Variants in ACSM1 observed in about 807,000 individuals in gnomAD.
ACSM1 encodes acyl-coenzyme A synthetase ACSM1, mitochondrial.
In ACSM1, 79 loss-of-function variants were observed where a neutral mutation model predicts 75.8. The observed-to-expected ratio is 1.04, with a 90% CI of 0.87 to 1.26. The LOEUF (loss-of-function observed/expected upper bound fraction) is 1.26. ACSM1 is among the 50% of genes most tolerant of loss of function. The pLI is 0.00. For missense variants in ACSM1, 676 were observed against 720.1 expected (o/e 0.94, Z 0.70); for synonymous variants, 279 against 265.8 (o/e 1.05, Z -0.48).
intron 7 of ACSM1, among the ~76,000 whole-genome samples, chr16:20,653,692 T>G (rs1204380005): frequency 2.0e-5 from 3 of 152,112 alleles, no homozygotes; most frequent in Non-Finnish European, 4.4e-5. Flanking sequence ...GAATCCAACT[T>G]ACAAGGGATG....
chr16:20,695,622 A>C (rs547063687), intron 1 of ACSM1, among the ~76,000 whole-genome samples: 6 of 151,930 alleles, frequency 3.9e-5, no homozygotes, highest in African/African-American at 1.2e-4. Flanking sequence ...TCTATTACCT[A>C]TCTATTATGT....
At chr16:20,671,269 T>A (rs538503104) in intron 5 of ACSM1, among the ~76,000 whole-genome samples, 3 of 152,164 alleles carry the variant, frequency 2.0e-5, no homozygotes, top group African/African-American at 7.2e-5. Context: ...ACATCTCCTA[T>A]GAAGATGCTC....
intron 1 of ACSM1, among the ~76,000 whole-genome samples, chr16:20,695,270 C>T (rs1179130971): frequency 1.3e-5 from 2 of 152,136 alleles, no homozygotes; most frequent in East Asian, 1.9e-4. Context: ...TTTATTTAAC[C>T]TCCCTATAAA....
chr16:20,654,595 T>C (rs1241719304), intron 7 of ACSM1, among the ~76,000 whole-genome samples: 1 of 152,132 alleles, frequency 6.6e-6, no homozygotes, highest in Admixed American at 6.5e-5. Context: ...GCGAAGGATA[T>C]GAACAGACAT....
intron 7 of ACSM1, among the ~76,000 whole-genome samples, chr16:20,656,529 T>C (rs1423635109): frequency 1.3e-5 from 2 of 152,218 alleles, no homozygotes; most frequent in Non-Finnish European, 2.9e-5. Context: ...TTGTTAACAT[T>C]TTATAAACAC....
chr16:20,642,489 A>C (rs930269328), intron 7 of ACSM1, among the ~76,000 whole-genome samples: 1 of 152,230 alleles, frequency 6.6e-6, no homozygotes. Context: ...TCTATTCAGA[A>C]GGCTAGAGCC....
In ACSM1 at chr16:20,656,307, T is replaced by C. The variant is rs55690469; in HGVS notation, c.992+5487A>G. Reference sequence around the variant, plus strand: ...TAAAAAATGTTAAGTGCCTGTCAGATTGGCAAAAACTAGCTCAGATGCCCT... The same window carrying C: ...TAAAAAATGTTAAGTGCCTGTCAGACTGGCAAAAACTAGCTCAGATGCCCT... On this transcript the variant is annotated intron_variant, in intron 7 of 13. Transcript: ENST00000520010. Among the ~76,000 whole-genome samples the C allele has an allele frequency of 8.0e-3, 1,218 of 152,288 alleles. 7 individuals are homozygous for C. The highest frequency in any genetic ancestry group is 0.018 in the African/African-American group (732 of 41,550).
chr16:20,686,775 G>C (rs1023781002), intron 2 of ACSM1, among the ~76,000 whole-genome samples: 1 of 151,270 alleles, frequency 6.6e-6, no homozygotes, highest in African/African-American at 2.4e-5. Context: ...CTGCATTCCA[G>C]CCTGGGAGAC....
intron 4 of ACSM1, among the ~76,000 whole-genome samples, chr16:20,678,283 C>T (rs1165143852): frequency 6.6e-6 from 1 of 151,980 alleles, no homozygotes; most frequent in Non-Finnish European, 1.5e-5. Context: ...AAGGAACTGA[C>T]CTGAAAAAAA....
rs531622421 is a variant in ACSM1 at position 20,647,586 on chromosome 16, A to G, written c.993-7002T>C. 6.6e-5 allele frequency among the ~76,000 whole-genome samples: 10 copies of G among 152,340 alleles called. No individual in the cohort carries two copies. The East Asian group carries it at 1.9e-3, about 29-fold the overall frequency. ...TTTGAATAAGGGCTAAGAAAAATGAAGCTGGATGACCAACTGGCAATTCAA... is the reference window on the plus strand; with the variant it reads ...TTTGAATAAGGGCTAAGAAAAATGAGGCTGGATGACCAACTGGCAATTCAA... On this transcript the variant is annotated intron_variant, in intron 7 of 13. Transcript: ENST00000520010.
chr16:20,663,586 T>G (rs116065457), intron 6 of ACSM1, among the ~76,000 whole-genome samples: 2,152 of 152,280 alleles, frequency 0.014, 54 homozygotes, highest in African/African-American at 0.05. Flanking sequence ...ACTGGTTATC[T>G]GGGAAGGGGG....
intron 10 of ACSM1, among the ~76,000 whole-genome samples, chr16:20,634,360 T>G (rs1003599193): frequency 6.6e-6 from 1 of 152,152 alleles, no homozygotes; most frequent in Non-Finnish European, 1.5e-5. Flanking sequence ...TCCCAAGAAA[T>G]GGAAGCAGGA....
At chr16:20,630,332 C>T (rs1484789177) in intron 10 of ACSM1, among the ~76,000 whole-genome samples, 1 of 152,128 alleles carries the variant, frequency 6.6e-6, no homozygotes, top group East Asian at 1.9e-4. Context: ...AGTGATCCAC[C>T]TGCCTCGGCC....
intron 1 of ACSM1, among the ~76,000 whole-genome samples, chr16:20,692,557 T>C (rs1030450774): frequency 8.5e-5 from 13 of 152,160 alleles, no homozygotes. Flanking sequence ...TTGTAAAATA[T>C]GTCTTAGACC....
chr16:20,623,253 T>C lies in ACSM1; in HGVS notation c.*233A>G, dbSNP rs563821095. 6 of 490,970 alleles carry C rather than the reference T, an allele frequency of 1.2e-5. No individual in the cohort carries two copies. The South Asian group carries it at 1.4e-4, about 11-fold the overall frequency. 30.4% of individuals were successfully genotyped at this position (490,970 alleles called of 1,614,324 possible). On this transcript the variant is annotated 3_prime_UTR_variant, in exon 14 of 14. Coordinates refer to ENST00000520010, the MANE Select transcript of ACSM1 (RefSeq NM_001318890.3). ...CAGGGTATTGTTGATATCAGTATTT[T>C]ATTACTTGCGTTATGAGTGCTCACC... is the stretch of plus-strand genomic sequence containing the variant.
chr16:20,636,556 A>G (rs115792398), intron 10 of ACSM1, among the ~76,000 whole-genome samples, 183 bp downstream of exon 10: 2,153 of 152,240 alleles, frequency 0.014, 54 homozygotes, highest in African/African-American at 0.05. Flanking sequence ...CAACATCCCA[A>G]AAGTTCCAGG....
chr16:20,662,561 A>G (rs1195970909), intron 6 of ACSM1, among the ~76,000 whole-genome samples: 1 of 152,208 alleles, frequency 6.6e-6, no homozygotes, highest in African/African-American at 2.4e-5. Flanking sequence ...AACAGTAAAG[A>G]GAAGAGAAAG....
chr16:20,687,221 C>T (rs2079570086), intron 2 of ACSM1, among the ~76,000 whole-genome samples: 1 of 151,986 alleles, frequency 6.6e-6, no homozygotes. Flanking sequence ...TCTCTGAAAG[C>T]AGTGGTGGGT....
At chr16:20,660,224 C>T (rs163276) in intron 7 of ACSM1, among the ~76,000 whole-genome samples, 49,287 of 152,022 alleles carry the variant, frequency 0.32, 9,514 homozygotes, top group East Asian at 0.64. Context: ...GAAATTTTCC[C>T]AAAGAATACA....
Sources: allele counts gnomAD v4.1 joint callset (sites outside exome capture counted in the v4.1 genomes callset), GRCh38; gene constraint gnomAD v4.1.1; transcripts MANE v1.5; gene names NCBI Gene and HGNC (gene_info 2026-07-23, HGNC 2026-07-21).